Variants in STAU2 observed in about 807,000 individuals in gnomAD.
STAU2 encodes double-stranded RNA-binding protein Staufen homolog 2.
STAU2 carries 20 observed loss-of-function variants against 65.9 expected under a neutral mutation model. The ratio of observed to expected loss-of-function variants is 0.30; its 90% CI spans 0.21 to 0.44. The LOEUF is 0.44. Ranked by LOEUF, STAU2 falls within the 20% of genes least tolerant of loss-of-function variation. The probability of loss-of-function intolerance (pLI) is 1.00; values close to 1 mark genes in which losing one functional copy is unlikely to be tolerated. For missense variants in STAU2, 558 were observed against 683.9 expected, an observed-to-expected ratio of 0.82 and a Z score of 2.05; for synonymous variants, 232 against 233.9, an observed-to-expected ratio of 0.99 and a Z score of 0.07.
intron 6 of STAU2, chr8:73,668,953 C>A: frequency 1.5e-6 from 1 of 673,130 alleles, no homozygotes; most frequent in South Asian, 1.6e-5. Flanking sequence ...AATAAAAGGA[C>A]CTTTTCAAAA....
intron 6 of STAU2, chr8:73,652,839 C>A (rs1215359359): frequency 6.6e-6 from 1 of 151,890 alleles, no homozygotes; most frequent in Non-Finnish European, 1.5e-5. Context: ...TAGATATTCA[C>A]CAAACCATTA....
chr8:73,471,501 C>A (rs1820010391), intron 13 of STAU2, among the ~76,000 whole-genome samples: 1 of 135,028 alleles, frequency 7.4e-6, no homozygotes, highest in African/African-American at 2.8e-5. Flanking sequence ...TATTATAATT[C>A]TTGATTCCTC....
intron 13 of STAU2, chr8:73,439,998 T>TAAGAGC (rs972002381): frequency 2.6e-5 from 4 of 152,286 alleles, no homozygotes; most frequent in African/African-American, 9.6e-5. Context: ...TGGAGCCTCT[T>TAAGAGC]AAGAGCGAAG....
At chr8:73,619,185 C>CA (rs1198334315) in intron 6 of STAU2, among the ~76,000 whole-genome samples, 1 of 152,036 alleles carries the variant, frequency 6.6e-6, no homozygotes, top group Non-Finnish European at 1.5e-5. Context: ...AAAAGCCAAG[C>CA]AAGCACGATG....
intron 13 of STAU2, among the ~76,000 whole-genome samples, chr8:73,446,755 G>A (rs897705276): frequency 3.3e-5 from 5 of 151,584 alleles, no homozygotes; most frequent in African/African-American, 9.7e-5. Context: ...GATTACAGAC[G>A]TGAGCCATTG....
At chr8:73,579,570 G>T (rs1317025974) in intron 12 of STAU2, among the ~76,000 whole-genome samples, 1 of 152,092 alleles carries the variant, frequency 6.6e-6, no homozygotes, top group Admixed American at 6.6e-5. Context: ...TAAAATTCAT[G>T]ATCTTTTTTT....
chr8:73,575,570 T>C (rs1422804469), intron 12 of STAU2, among the ~76,000 whole-genome samples: 1 of 152,110 alleles, frequency 6.6e-6, no homozygotes, highest in African/African-American at 2.4e-5. Context: ...GAAAATACTA[T>C]AAACAATCTA....
At chr8:73,511,290 A>G (rs1822387349) in intron 13 of STAU2, 1 of 152,906 alleles carries the variant, frequency 6.5e-6, no homozygotes, top group African/African-American at 2.4e-5. Context: ...CACTTTCACC[A>G]TCATAGTCAT....
At chr8:73,509,399 T>A (rs571261247) in intron 13 of STAU2, among the ~76,000 whole-genome samples, 1 of 152,310 alleles carries the variant, frequency 6.6e-6, no homozygotes, top group East Asian at 1.9e-4. Context: ...AATTCATTAA[T>A]CAAATATATA....
intron 5 of STAU2, among the ~76,000 whole-genome samples, chr8:73,686,125 A>T (rs2130499419): frequency 6.6e-6 from 1 of 152,336 alleles, no homozygotes; most frequent in African/African-American, 2.4e-5. Context: ...ATTGAGAATG[A>T]TACAATGGGC....
intron 10 of STAU2, among the ~76,000 whole-genome samples, chr8:73,600,047 C>T (rs879713598): frequency 6.6e-6 from 1 of 152,188 alleles, no homozygotes; most frequent in Admixed American, 6.5e-5. Flanking sequence ...GGATTACAGG[C>T]GTGAGCCACC....
intron 5 of STAU2, among the ~76,000 whole-genome samples, chr8:73,685,987 AAATAATGG>A (rs1168642708): frequency 1.3e-5 from 2 of 152,242 alleles, no homozygotes; most frequent in Non-Finnish European, 2.9e-5. Flanking sequence ...AAAAGGAATG[AAATAATGG>A]CATTTACAGC....
chr8:73,614,959 A>C (rs1196753147), intron 8 of STAU2, among the ~76,000 whole-genome samples: 2 of 152,162 alleles, frequency 1.3e-5, no homozygotes, highest in Non-Finnish European at 1.5e-5. Context: ...ACAGTTTCTC[A>C]GTCCAACTCA....
intron 13 of STAU2, among the ~76,000 whole-genome samples, chr8:73,461,371 T>C (rs1326824689): frequency 6.6e-6 from 1 of 152,046 alleles, no homozygotes; most frequent in Non-Finnish European, 1.5e-5. Context: ...GAGTAATAAT[T>C]ATTCCAGCCT....
intron 6 of STAU2, among the ~76,000 whole-genome samples, chr8:73,627,230 G>GGGGGGGGC (rs1813735846): frequency 1.5e-5 from 1 of 65,890 alleles, no homozygotes; most frequent in Admixed American, 1.2e-4. Context: ...GGGAGGGGGG[G>GGGGGGGGC]GCAGGAGGGC....
intron 6 of STAU2, among the ~76,000 whole-genome samples, chr8:73,635,454 T>C (rs1209511422): frequency 2.0e-5 from 3 of 151,868 alleles, no homozygotes; most frequent in Admixed American, 6.6e-5. Flanking sequence ...CACTGGAAAA[T>C]AGTCATACTG....
chr8:73,499,166 T>A (rs73686984), intron 13 of STAU2, among the ~76,000 whole-genome samples: 1,563 of 151,872 alleles, frequency 0.01, 24 homozygotes, highest in African/African-American at 0.035. Context: ...CACTATAGAT[T>A]TTGCACTTGC....
chr8:73,562,915 A>T (rs1808333720), intron 12 of STAU2, among the ~76,000 whole-genome samples: 1 of 152,118 alleles, frequency 6.6e-6, no homozygotes, highest in Non-Finnish European at 1.5e-5. Flanking sequence ...GTTTAAGACC[A>T]GCCTGGGCAA....
chr8:73,635,627 C>T (rs1040775969), intron 6 of STAU2, among the ~76,000 whole-genome samples: 2 of 151,970 alleles, frequency 1.3e-5, no homozygotes, highest in African/African-American at 4.8e-5. Context: ...GAGTTTGAGA[C>T]CAGCCTGGCC....
Sources: allele counts gnomAD v4.1 joint callset (sites outside exome capture counted in the v4.1 genomes callset), GRCh38; gene constraint gnomAD v4.1.1; transcripts MANE v1.5; gene names NCBI Gene and HGNC (gene_info 2026-07-23, HGNC 2026-07-21).